UBXN7: variants seen among roughly 807,000 people sequenced by gnomAD.
The protein encoded by UBXN7 is UBX domain protein 7, also known as UBX domain-containing protein 7.
A neutral mutation model predicts 58.0 loss-of-function variants in UBXN7; 9 were observed. That is an observed-to-expected ratio of 0.16 (90% CI 0.09 to 0.27). The LOEUF is 0.27. UBXN7 is among the 10% of genes least tolerant of loss of function. UBXN7 has a pLI of 1.00. For missense variants in UBXN7, 328 were observed against 599.6 expected (o/e 0.55, Z 4.73); for synonymous variants, 208 against 205.0 (o/e 1.01, Z -0.12).
At chr3:196,419,696 G>T (rs928237632) in intron 1 of UBXN7, among the ~76,000 whole-genome samples, 5 of 152,140 alleles carry the variant, frequency 3.3e-5, no homozygotes, top group African/African-American at 1.2e-4. Flanking sequence ...TGCCTGGGGA[G>T]TCGGGGATAC....
chr3:196,358,228 G>C (rs1728405416), intron 10 of UBXN7, among the ~76,000 whole-genome samples: 1 of 152,124 alleles, frequency 6.6e-6, no homozygotes, highest in Admixed American at 6.6e-5. Flanking sequence ...GGCCCCAGAA[G>C]AGAAACATAG....
chr3:196,362,723 C>T (rs541052730), intron 8 of UBXN7, 36 bp from the exon 9 acceptor site: 1 of 1,553,352 alleles, frequency 6.4e-7, no homozygotes, highest in Non-Finnish European at 8.7e-7. Flanking sequence ...GGAAAAAGAA[C>T]AAGTTAAACC....
intron 5 of UBXN7, among the ~76,000 whole-genome samples, chr3:196,383,083 T>G (rs1337725851): frequency 1.4e-5 from 2 of 144,882 alleles, no homozygotes; most frequent in Non-Finnish European, 3.0e-5. Context: ...ACCACTGCAC[T>G]CCAGCCTGGG....
intron 10 of UBXN7, among the ~76,000 whole-genome samples, chr3:196,358,462 C>T (rs1022388295): frequency 6.6e-6 from 1 of 152,166 alleles, no homozygotes; most frequent in Non-Finnish European, 1.5e-5. Flanking sequence ...AGATTCACAA[C>T]CGGGTGCTCC....
At chr3:196,376,034 G>C (rs1336425833) in intron 5 of UBXN7, among the ~76,000 whole-genome samples, 4 of 151,764 alleles carry the variant, frequency 2.6e-5, no homozygotes, top group African/African-American at 9.7e-5. Context: ...CTCAAAAAAA[G>C]AAAGAAAAAG....
At chr3:196,362,876 TATACACACACACAC>T (rs1728543016) in intron 8 of UBXN7, among the ~76,000 whole-genome samples, 189 bp from the exon 9 acceptor site, 1 of 152,082 alleles carries the variant, frequency 6.6e-6, no homozygotes, top group Admixed American at 6.6e-5. Context: ...TGTGTGTGTA[TATACACACACACAC>T]GTTTTTGTTG....
rs114210368 is a variant in UBXN7 at position 196,421,600 on chromosome 3, C to G, written c.73+10727G>C. 8.7e-3 allele frequency among the ~76,000 whole-genome samples: 1,315 copies of G among 151,364 alleles called. 17 individuals carry two copies. Among genetic ancestry groups the G allele is most frequent in the African/African-American group, 0.031 (1,259 of 41,254 alleles). ...TCCTGGCCAACATGGTGAAACCCCCCCCCAGTCTCTAGTAAAAATACAAAA... is the reference window on the plus strand; with the variant it reads ...TCCTGGCCAACATGGTGAAACCCCCGCCCAGTCTCTAGTAAAAATACAAAA... On this transcript the variant is annotated intron_variant, in intron 1 of 10. Coordinates refer to ENST00000296328, the MANE Select transcript of UBXN7 (RefSeq NM_015562.2).
In UBXN7 at chr3:196,398,771, A is replaced by G. The variant is rs149077121; in HGVS notation, c.289+4181T>C. ...CTCGGCCTCCTGAGTAGCTGGGACTACAGGCATGTGCCACCACACCCAGCT... is the reference window on the plus strand; with the variant it reads ...CTCGGCCTCCTGAGTAGCTGGGACTGCAGGCATGTGCCACCACACCCAGCT... On this transcript the variant is annotated intron_variant, in intron 3 of 10. Coordinates refer to ENST00000296328, the MANE Select transcript of UBXN7 (RefSeq NM_015562.2). 4.2e-3 allele frequency among the ~76,000 whole-genome samples: 638 copies of G among 152,218 alleles called. 5 individuals are homozygous for G. Among genetic ancestry groups the G allele is most frequent in the African/African-American group, 0.014 (593 of 41,516 alleles).
chr3:196,429,904 A>T (rs1479389821), intron 1 of UBXN7, among the ~76,000 whole-genome samples: 1 of 152,210 alleles, frequency 6.6e-6, no homozygotes, highest in Non-Finnish European at 1.5e-5. Context: ...ACGAACAGAA[A>T]CAGAATTAAA....
intron 10 of UBXN7, among the ~76,000 whole-genome samples, chr3:196,358,522 G>A (rs966303991): frequency 3.3e-5 from 5 of 152,268 alleles, no homozygotes; most frequent in South Asian, 2.1e-4. Flanking sequence ...GATGACTTGA[G>A]CTCAGGAGTT....
At chr3:196,420,628 C>CTA (rs1730653065) in intron 1 of UBXN7, among the ~76,000 whole-genome samples, 1 of 152,116 alleles carries the variant, frequency 6.6e-6, no homozygotes, top group African/African-American at 2.4e-5. Flanking sequence ...ATCCAGTCAT[C>CTA]TATACTCCAT....
chr3:196,410,889 C>G (rs1290102232), intron 1 of UBXN7, among the ~76,000 whole-genome samples: 1 of 152,088 alleles, frequency 6.6e-6, no homozygotes, highest in Non-Finnish European at 1.5e-5. Context: ...TCTTTATGAT[C>G]TGGAAAGCCC....
chr3:196,362,878 TAC>T (rs1230454485), intron 8 of UBXN7, among the ~76,000 whole-genome samples, 191 bp from the exon 9 acceptor site: 18 of 151,918 alleles, frequency 1.2e-4, no homozygotes, highest in African/African-American at 4.4e-4. Context: ...TGTGTGTATA[TAC>T]ACACACACAC....
intron 1 of UBXN7, chr3:196,431,658 C>A (rs1386214657): frequency 4.1e-6 from 1 of 243,756 alleles, no homozygotes. Flanking sequence ...TTCCAGGCCT[C>A]CCCTATTCAG....
At chr3:196,432,090 G>T (rs1011912459) in intron 1 of UBXN7, 5 of 638,428 alleles carry the variant, frequency 7.8e-6, no homozygotes, top group Non-Finnish European at 1.4e-5. Flanking sequence ...GGGGGGTTGG[G>T]GGATCTCCCT....
intron 8 of UBXN7, among the ~76,000 whole-genome samples, chr3:196,367,312 A>T (rs1728698931): frequency 6.6e-6 from 1 of 152,230 alleles, no homozygotes; most frequent in African/African-American, 2.4e-5. Context: ...ATTTGCAACC[A>T]ATCTTGATAC....
At chr3:196,359,120 C>T (rs1728435332) in intron 10 of UBXN7, among the ~76,000 whole-genome samples, 1 of 152,108 alleles carries the variant, frequency 6.6e-6, no homozygotes, top group Non-Finnish European at 1.5e-5. Flanking sequence ...TCTATTGGCT[C>T]CATTTTTCAA....
chr3:196,409,974 C>G (rs1161973127), intron 1 of UBXN7, among the ~76,000 whole-genome samples: 1 of 147,368 alleles, frequency 6.8e-6, no homozygotes, highest in Non-Finnish European at 1.5e-5. Flanking sequence ...GAGTTTCACT[C>G]TCATCACCCA....
Position 196,363,250 on chromosome 3 carries a change from A to AC in UBXN7, c.835-564_835-563insG, listed in dbSNP as rs1491307821. ...TACATACATACATACATACATACATAAATATATATATACACATATTTTTTT... is the reference window on the plus strand; with the variant it reads ...TACATACATACATACATACATACATACAATATATATATACACATATTTTTTT... On this transcript the variant is annotated intron_variant, in intron 8 of 10. Transcript: ENST00000296328. Among the ~76,000 whole-genome samples the AC allele has an allele frequency of 2.7e-3, 104 of 38,426 alleles. 1 individual carries two copies. In the East Asian group the frequency reaches 0.12, roughly 44 times the overall value. 25.2% of individuals were successfully genotyped at this position (38,426 alleles called of 152,430 possible). A position where few individuals can be genotyped will look rare whatever the true frequency, so the allele number is the denominator to read the frequency against.
Sources: allele counts gnomAD v4.1 joint callset (sites outside exome capture counted in the v4.1 genomes callset), GRCh38; gene constraint gnomAD v4.1.1; transcripts MANE v1.5; gene names NCBI Gene and HGNC (gene_info 2026-07-23, HGNC 2026-07-21).